Variants in NSD3 observed in about 807,000 individuals in gnomAD.
NSD3 encodes the protein histone-lysine N-methyltransferase NSD3.
NSD3 carries 24 observed loss-of-function variants against 160.8 expected under a neutral mutation model. The observed-to-expected ratio is 0.15, with a 90% confidence interval of 0.11 to 0.21. The LOEUF is 0.21. Among genes scored for constraint, NSD3 ranks in the 10% least tolerant of loss-of-function variants. The pLI, the probability that NSD3 is intolerant of heterozygous loss-of-function variation, is 1.00. For synonymous variants in NSD3, 520 were observed against 600.0 expected (o/e 0.87, Z 1.95); for missense variants, 1,157 against 1,735.9 (o/e 0.67, Z 5.93).
At chr8:38,313,990 A>ATAAAG in intron 12 of NSD3, among the ~76,000 whole-genome samples, 1 of 140,656 alleles carries the variant, frequency 7.1e-6, no homozygotes. Context: ...CATAGCTAAA[A>ATAAAG]CAAAGCAAAA....
At chr8:38,330,336 G>A (rs1404296751) in intron 5 of NSD3, among the ~76,000 whole-genome samples, 2 of 152,078 alleles carry the variant, frequency 1.3e-5, no homozygotes, top group African/African-American at 4.8e-5. Context: ...CAAAGCTACT[G>A]GCAGAGTTTG....
At chr8:38,374,646 A>G (rs1171535090) in intron 1 of NSD3, among the ~76,000 whole-genome samples, 1 of 152,190 alleles carries the variant, frequency 6.6e-6, no homozygotes, top group Non-Finnish European at 1.5e-5. Flanking sequence ...ATTCTCCGTA[A>G]CATGACAGTC....
rs1347408135 is a variant in NSD3 at position 38,279,641 on chromosome 8, C to T, written c.3659G>A (p.Arg1220His). The change falls in exon 21 of 24, where the codon CGC becomes CAC. Residue 1220 changes from arginine (R) to histidine (H), a missense_variant. Transcript: ENST00000317025. ...IDAGPKGNYS[R>H]FMNHSCNPNC... ...GGGATTACAACTGTGGTTCATGAAGCGAGAATAATTTCCTTTTGGGCCGGC... is the reference window on the plus strand; with the variant it reads ...GGGATTACAACTGTGGTTCATGAAGTGAGAATAATTTCCTTTTGGGCCGGC... 5 of 1,613,452 alleles carry T rather than the reference C, an allele frequency of 3.1e-6. No homozygotes were observed. The highest frequency in any genetic ancestry group is 1.1e-5 in the South Asian group (1 of 91,020).
At position 38,316,578 on chromosome 8, in the gene NSD3, T is replaced by G; in HGVS notation, c.1856-536A>C. ...CCCAATAAAATTTGGATGTTCATAATTGTTCATCTGAGACTTCCTTGGTGA... is the reference window on the plus strand; with the variant it reads ...CCCAATAAAATTTGGATGTTCATAAGTGTTCATCTGAGACTTCCTTGGTGA... On this transcript the variant is annotated intron_variant, in intron 9 of 23. Transcript: ENST00000317025. The surrounding 1 kb of genome is among the most constrained non-coding windows in gnomAD (Gnocchi z 4.5). 9.5e-7 allele frequency: 1 copy of G among 1,050,866 alleles called. No individual in the cohort carries two copies. Among genetic ancestry groups the G allele is most frequent in the South Asian group, 4.6e-5 (1 of 21,916 alleles). 65.1% of individuals were successfully genotyped at this position (1,050,866 alleles called of 1,614,324 possible). A position where few individuals can be genotyped will look rare whatever the true frequency, so the allele number is the denominator to read the frequency against.
Position 38,271,241 on chromosome 8 carries a change from C to T in NSD3, c.*4400G>A, listed in dbSNP as rs548333112. 6.6e-6 allele frequency: 1 copy of T among 152,082 alleles called. No homozygotes were observed. The highest frequency in any genetic ancestry group is 2.4e-5 in the African/African-American group (1 of 41,430). The allele number at this position is 152,082 out of a possible 1,614,324, so 9.4% of individuals were successfully genotyped here. ...GATAAGAGACTAGGCTATTTATTTTCAAAACAGTTTACAAAACAATGCTTT... is the reference window on the plus strand; with the variant it reads ...GATAAGAGACTAGGCTATTTATTTTTAAAACAGTTTACAAAACAATGCTTT... On this transcript the variant is annotated 3_prime_UTR_variant, in exon 24 of 24. Coordinates refer to ENST00000317025, the MANE Select transcript of NSD3 (RefSeq NM_023034.2).
intron 1 of NSD3, among the ~76,000 whole-genome samples, chr8:38,363,617 G>C (rs1199411409): frequency 7.3e-6 from 1 of 136,980 alleles, no homozygotes; most frequent in Non-Finnish European, 1.5e-5. Flanking sequence ...TCTAGCCTGG[G>C]TAACAGAGTG....
chr8:38,299,731 G>T, intron 14 of NSD3, 141 bp from the exon 15 acceptor site: 1 of 778,206 alleles, frequency 1.3e-6, no homozygotes, highest in Admixed American at 4.1e-5. Context: ...AAAAAAGAAA[G>T]ATCTGACAGA....
intron 16 of NSD3, 100 bp from the exon 17 acceptor site, chr8:38,290,777 A>G: frequency 1.8e-6 from 2 of 1,111,748 alleles, no homozygotes; most frequent in Admixed American, 5.1e-5. Context: ...GTATTTTGCA[A>G]TTTTCATTCA....
intron 1 of NSD3, among the ~76,000 whole-genome samples, chr8:38,367,873 G>C (rs962906847): frequency 6.6e-6 from 1 of 152,170 alleles, no homozygotes; most frequent in Non-Finnish European, 1.5e-5. Context: ...GCATGGCCAC[G>C]ATTCTCTTTA....
At position 38,273,309 on chromosome 8, in the gene NSD3, C is replaced by T. The variant is rs1251178375; in HGVS notation, c.*2332G>A. ...CTGCACCTGGCAGCTATTTTGTTTTCTACTCTGATTTCTGAAATGGTGAAA... is the reference window on the plus strand; with the variant it reads ...CTGCACCTGGCAGCTATTTTGTTTTTTACTCTGATTTCTGAAATGGTGAAA... On this transcript the variant is annotated 3_prime_UTR_variant, in exon 24 of 24. Coordinates refer to ENST00000317025, the MANE Select transcript of NSD3 (RefSeq NM_023034.2). The T allele has an allele frequency of 6.6e-6, 1 of 152,128 alleles. No individual in the cohort carries two copies. The highest frequency in any genetic ancestry group is 1.5e-5 in the Non-Finnish European group (1 of 68,036). The allele number at this position is 152,128 out of a possible 1,614,324, so 9.4% of individuals were successfully genotyped here.
At chr8:38,335,066 C>T (rs894334348) in intron 4 of NSD3, among the ~76,000 whole-genome samples, 1 of 150,718 alleles carries the variant, frequency 6.6e-6, no homozygotes, top group Admixed American at 6.6e-5. Context: ...TCACTGCAAC[C>T]GCAACCTCCA....
intron 15 of NSD3, among the ~76,000 whole-genome samples, chr8:38,298,042 A>T (rs1166779406): frequency 6.6e-6 from 1 of 151,386 alleles, no homozygotes; most frequent in African/African-American, 2.4e-5. Context: ...CAAGGGAAAT[A>T]AAAAAAAATG....
chr8:38,354,100 C>T (rs568470100), intron 1 of NSD3, among the ~76,000 whole-genome samples: 1 of 152,314 alleles, frequency 6.6e-6, no homozygotes, highest in Admixed American at 6.5e-5. Flanking sequence ...ATCTCAGGCT[C>T]ACAGGTGATT....
At chr8:38,326,205 T>C in intron 7 of NSD3, among the ~76,000 whole-genome samples, 1 of 152,098 alleles carries the variant, frequency 6.6e-6, no homozygotes, top group Non-Finnish European at 1.5e-5. Flanking sequence ...CAGTCACTTC[T>C]CCTTTAAGCA....
chr8:38,339,002 T>C (rs997639882), intron 2 of NSD3, among the ~76,000 whole-genome samples: 1 of 151,842 alleles, frequency 6.6e-6, no homozygotes, highest in Non-Finnish European at 1.5e-5. Flanking sequence ...TAGCCGGGCA[T>C]GGTGGCGCAT....
chr8:38,334,183 G>GA (rs1406377300), intron 4 of NSD3, among the ~76,000 whole-genome samples: 1 of 152,144 alleles, frequency 6.6e-6, no homozygotes, highest in East Asian at 1.9e-4. Context: ...GCCATAAATG[G>GA]AATATTATTT....
chr8:38,346,296 T>A (rs1489880415), intron 2 of NSD3, among the ~76,000 whole-genome samples: 1 of 147,588 alleles, frequency 6.8e-6, no homozygotes, highest in East Asian at 1.9e-4. Context: ...ATATAGTATA[T>A]AGTATATATA....
At chr8:38,362,127 A>G in intron 1 of NSD3, among the ~76,000 whole-genome samples, 1 of 152,030 alleles carries the variant, frequency 6.6e-6, no homozygotes, top group Non-Finnish European at 1.5e-5. Context: ...GATGCCAGAG[A>G]ATATGGACAG....
At chr8:38,359,060 TTTCTGG>T (rs1371739185) in intron 1 of NSD3, among the ~76,000 whole-genome samples, 1 of 152,204 alleles carries the variant, frequency 6.6e-6, no homozygotes, top group Non-Finnish European at 1.5e-5. Flanking sequence ...GACTCCATTC[TTTCTGG>T]TTCTGTGTTC....
Sources: allele counts gnomAD v4.1 joint callset (sites outside exome capture counted in the v4.1 genomes callset), GRCh38; gene constraint gnomAD v4.1.1; non-coding constraint Gnocchi (gnomAD v3.1); transcripts MANE v1.5; gene names NCBI Gene and HGNC (gene_info 2026-07-23, HGNC 2026-07-21).